The following SERINC1 variants were observed in gnomAD, a reference collection of about 807,000 sequenced individuals.
SERINC1 encodes tumor differentially expressed protein 2.
A neutral mutation model predicts 52.9 loss-of-function variants in SERINC1; 38 were observed. The ratio of observed to expected loss-of-function variants is 0.72; its 90% confidence interval spans 0.55 to 0.94. The LOEUF (loss-of-function observed/expected upper bound fraction) is 0.94. Among genes scored for constraint, SERINC1 ranks in the 40% least tolerant of loss-of-function variants. The pLI, the probability that SERINC1 is intolerant of heterozygous loss-of-function variation, is 0.00. For missense variants in SERINC1, 471 were observed against 533.9 expected (o/e 0.88, Z 1.16); for synonymous variants, 198 against 183.1 (o/e 1.08, Z -0.66).
Position 122,471,775 on chromosome 6 carries a change from T to C in SERINC1, c.-38A>G, listed in dbSNP as rs1210752201. Reference sequence around the variant, plus strand: ...ACAAGAGCAGCGGATACAGACAAGATGGAGACAGCTTCTTTCTCGCCTTTC... The same window carrying C: ...ACAAGAGCAGCGGATACAGACAAGACGGAGACAGCTTCTTTCTCGCCTTTC... On this transcript the variant is annotated 5_prime_UTR_variant, in exon 1 of 10. Transcript: ENST00000339697. The C allele has an allele frequency of 4.3e-6, 7 of 1,613,500 alleles. No homozygotes were observed. The highest frequency in any genetic ancestry group is 1.3e-5 in the African/African-American group (1 of 75,036).
chr6:122,467,958 T>C (rs1238117414), intron 1 of SERINC1, among the ~76,000 whole-genome samples: 2 of 152,282 alleles, frequency 1.3e-5, no homozygotes, highest in African/African-American at 4.8e-5. Context: ...GAATACACTA[T>C]ATGTATGTTA....
At chr6:122,465,468 G>A (rs1208661099) in intron 1 of SERINC1, among the ~76,000 whole-genome samples, 2 of 152,198 alleles carry the variant, frequency 1.3e-5, no homozygotes, top group Admixed American at 6.5e-5. Flanking sequence ...CAAATTTTAT[G>A]TACTGAATGT....
intron 1 of SERINC1, among the ~76,000 whole-genome samples, chr6:122,461,277 A>G (rs1775095284): frequency 6.6e-6 from 1 of 152,202 alleles, no homozygotes; most frequent in Non-Finnish European, 1.5e-5. Flanking sequence ...AAAAAGTAAT[A>G]ATCAGAAAAA....
chr6:122,469,727 T>A (rs1775243637), intron 1 of SERINC1, among the ~76,000 whole-genome samples: 1 of 152,084 alleles, frequency 6.6e-6, no homozygotes, highest in Non-Finnish European at 1.5e-5. Flanking sequence ...AGCTATTTTT[T>A]TTTGTATTTT....
Position 122,471,776 on chromosome 6 carries a change from G to A in SERINC1, c.-39C>T, listed in dbSNP as rs375592085. 10 of 1,613,428 alleles carry A rather than the reference G, an allele frequency of 6.2e-6. No individual in the cohort carries two copies. The African/African-American group carries it at 1.2e-4, about 19-fold the overall frequency. On this transcript the variant is annotated 5_prime_UTR_variant, in exon 1 of 10. Coordinates refer to ENST00000339697, the MANE Select transcript of SERINC1 (RefSeq NM_020755.4). The stretch of plus-strand genomic sequence containing the variant: ...CAAGAGCAGCGGATACAGACAAGAT[G>A]GAGACAGCTTCTTTCTCGCCTTTCC...
Position 122,444,807 on chromosome 6 carries a change from C to A in SERINC1, c.*237G>T. ...GAGCAGAGAATAAGCCCAATAATGG[C>A]CACTTTTACTAACTCATCACCATAT... is the stretch of plus-strand genomic sequence containing the variant. On this transcript the variant is annotated 3_prime_UTR_variant, in exon 10 of 10. Coordinates refer to ENST00000339697, the MANE Select transcript of SERINC1 (RefSeq NM_020755.4). 2.1e-6 allele frequency: 1 copy of A among 468,384 alleles called. No individual in the cohort carries two copies. The allele number at this position is 468,384 out of a possible 1,614,324, so 29.0% of individuals were successfully genotyped here.
At chr6:122,459,326 A>C (rs912042802) in intron 1 of SERINC1, among the ~76,000 whole-genome samples, 1 of 152,176 alleles carries the variant, frequency 6.6e-6, no homozygotes, top group African/African-American at 2.4e-5. Flanking sequence ...ACAGTATCTA[A>C]GAAAGCCACA....
At chr6:122,471,071 C>A (rs1018496293) in intron 1 of SERINC1, among the ~76,000 whole-genome samples, 7 of 151,024 alleles carry the variant, frequency 4.6e-5, no homozygotes, top group Non-Finnish European at 4.4e-5. Flanking sequence ...ATGCGTGTGT[C>A]ATCTGAAATT....
chr6:122,452,919 A>C (rs1443967197), intron 5 of SERINC1, among the ~76,000 whole-genome samples: 3 of 152,178 alleles, frequency 2.0e-5, no homozygotes, highest in African/African-American at 7.2e-5. Context: ...CAGCAGACAC[A>C]CTGGATTTGG....
intron 5 of SERINC1, among the ~76,000 whole-genome samples, chr6:122,452,348 G>A (rs1774926083): frequency 6.6e-6 from 1 of 151,930 alleles, no homozygotes; most frequent in African/African-American, 2.4e-5. Flanking sequence ...TACAAACTAT[G>A]TTTACATGTT....
At chr6:122,450,034 AAAAG>A (rs1206564219) in intron 7 of SERINC1, among the ~76,000 whole-genome samples, 3 of 152,286 alleles carry the variant, frequency 2.0e-5, no homozygotes, top group South Asian at 2.1e-4. Context: ...AAAATAAGAA[AAAAG>A]AAAGCAGCCA....
chr6:122,454,848 G>C (rs1434524460), intron 3 of SERINC1, among the ~76,000 whole-genome samples: 1 of 152,198 alleles, frequency 6.6e-6, no homozygotes, highest in Non-Finnish European at 1.5e-5. Context: ...TCCAGCTGCA[G>C]AAACGAGGGC....
intron 7 of SERINC1, among the ~76,000 whole-genome samples, chr6:122,451,406 C>A (rs1278689882): frequency 6.6e-6 from 1 of 152,050 alleles, no homozygotes; most frequent in Non-Finnish European, 1.5e-5. Flanking sequence ...AAAAATCATG[C>A]TTTACTGTGA....
chr6:122,453,130 A>G (rs189390808), intron 5 of SERINC1, among the ~76,000 whole-genome samples: 16 of 152,268 alleles, frequency 1.1e-4, no homozygotes, highest in Admixed American at 7.2e-4. Context: ...ATTGTAGTCT[A>G]TTTGCACAAA....
rs180856260 is a variant in SERINC1, at chr6:122,443,590, T to C, written c.*1454A>G. The C allele has an allele frequency of 1.1e-4, 17 of 152,346 alleles. No homozygotes were observed. The highest frequency in any genetic ancestry group is 7.8e-4 in the Admixed American group (12 of 15,306). The allele number at this position is 152,346 out of a possible 1,614,324, so 9.4% of individuals were successfully genotyped here. ...CAGGTTGAAAGGTTACAATAATCTA[T>C]ATATTTCAATTACATGGCAGTAAAT... On this transcript the variant is annotated 3_prime_UTR_variant, in exon 10 of 10. Coordinates refer to ENST00000339697, the MANE Select transcript of SERINC1 (RefSeq NM_020755.4).
In SERINC1 at chr6:122,458,525, T is replaced by G; in HGVS notation, c.196A>C (p.Asn66His). Residue 66 changes from asparagine (N) to histidine (H), a missense_variant, in exon 2 of 10, where the codon AAT (asparagine) becomes CAT (histidine). By Grantham distance (68) the Asn-to-His change is moderately conservative. Transcript: ENST00000339697. ...MLIPGMEEQL[N>H]KIPGFCENEK... ...AAATAAGAAACGAGACTAACCTTAT[T>G]CAGTTGTTCTTCCATTCCTGGTATC... 1.2e-6 allele frequency: 2 copies of G among 1,611,392 alleles called. No homozygotes were observed. The highest frequency in any genetic ancestry group is 2.2e-5 in the South Asian group (2 of 90,848).
intron 3 of SERINC1, among the ~76,000 whole-genome samples, chr6:122,454,827 A>G (rs1774969904): frequency 6.6e-6 from 1 of 152,218 alleles, no homozygotes; most frequent in South Asian, 2.1e-4. Flanking sequence ...AATACCAGCT[A>G]TGACCACATG....
rs554449058 is a variant in SERINC1 at position 122,454,864 on chromosome 6, T to C, written c.372-634A>G. On this transcript the variant is annotated intron_variant, in intron 3 of 9. Coordinates refer to ENST00000339697, the MANE Select transcript of SERINC1 (RefSeq NM_020755.4). ...CCAGCTGCAGAAACGAGGGCTGTAATTGTTGTGAGTACTTCCTCCTTGTTT... is the reference window on the plus strand; with the variant it reads ...CCAGCTGCAGAAACGAGGGCTGTAACTGTTGTGAGTACTTCCTCCTTGTTT... 4.6e-5 allele frequency among the ~76,000 whole-genome samples: 7 copies of C among 152,282 alleles called. No homozygotes were observed. The South Asian group carries it at 1.0e-3, about 23-fold the overall frequency.
intron 7 of SERINC1, among the ~76,000 whole-genome samples, chr6:122,450,537 A>T (rs894748099): frequency 6.6e-6 from 1 of 152,182 alleles, no homozygotes; most frequent in Non-Finnish European, 1.5e-5. Flanking sequence ...AAATCTTATT[A>T]TTTAAGAAAT....
Sources: allele counts gnomAD v4.1 joint callset (sites outside exome capture counted in the v4.1 genomes callset), GRCh38; gene constraint gnomAD v4.1.1; transcripts MANE v1.5; gene names NCBI Gene and HGNC (gene_info 2026-07-23, HGNC 2026-07-21).